MYO5B: variants seen among roughly 807,000 people sequenced by gnomAD.
MYO5B encodes myosin VB.
MYO5B carries 143 observed loss-of-function variants against 229.3 expected under a neutral mutation model. That is an observed-to-expected ratio of 0.62 (90% CI 0.54 to 0.72). The LOEUF is 0.72. MYO5B is among the 30% of genes least tolerant of loss of function. MYO5B has a pLI of 0.00. For missense variants in MYO5B, 2,321 were observed against 2,331.0 expected (o/e 1.00, Z 0.09); for synonymous variants, 918 against 885.2 (o/e 1.04, Z -0.66).
intron 1 of MYO5B, among the ~76,000 whole-genome samples, chr18:50,183,604 C>T (rs1253350569): frequency 6.6e-6 from 1 of 151,666 alleles, no homozygotes; most frequent in Non-Finnish European, 1.5e-5. Flanking sequence ...GGACCAAGGC[C>T]CTGAGAATGA....
At chr18:50,079,218 TCTTA>T (rs1468632832) in intron 1 of MYO5B, among the ~76,000 whole-genome samples, 1 of 152,232 alleles carries the variant, frequency 6.6e-6, no homozygotes, top group Non-Finnish European at 1.5e-5. Context: ...TGGATATAAA[TCTTA>T]CTTCAATAAA....
At chr18:50,108,960 A>T (rs776735388) in intron 1 of MYO5B, among the ~76,000 whole-genome samples, 2 of 152,190 alleles carry the variant, frequency 1.3e-5, no homozygotes, top group African/African-American at 4.8e-5. Context: ...CCACATGCTA[A>T]AACTGTCTTC....
chr18:50,158,526 T>C (rs1004443398), intron 1 of MYO5B, among the ~76,000 whole-genome samples: 30 of 152,222 alleles, frequency 2.0e-4, no homozygotes, highest in African/African-American at 7.2e-4. Flanking sequence ...CATGTATTGC[T>C]CATGTACATA....
At chr18:49,848,280 G>A (rs1197089377) in intron 32 of MYO5B, among the ~76,000 whole-genome samples, 1 of 152,142 alleles carries the variant, frequency 6.6e-6, no homozygotes. Context: ...CCACGGAGGA[G>A]GTGGGATGAA....
chr18:50,135,359 A>C (rs1267452312), intron 1 of MYO5B, among the ~76,000 whole-genome samples: 1 of 152,216 alleles, frequency 6.6e-6, no homozygotes, highest in Non-Finnish European at 1.5e-5. Context: ...GGAAAGTGAA[A>C]AGATATCAAT....
intron 12 of MYO5B, among the ~76,000 whole-genome samples, chr18:49,960,202 A>G (rs913466401): frequency 6.6e-6 from 1 of 152,216 alleles, no homozygotes; most frequent in Non-Finnish European, 1.5e-5. Flanking sequence ...CTGCTTCTGC[A>G]CCATGAGTCC....
intron 4 of MYO5B, among the ~76,000 whole-genome samples, chr18:50,012,546 G>A (rs1568070286): frequency 6.6e-6 from 1 of 152,164 alleles, no homozygotes; most frequent in Non-Finnish European, 1.5e-5. Context: ...ATGTAGACTG[G>A]TCAGCTTTGG....
chr18:49,989,546 A>G (rs1264974311), intron 7 of MYO5B, among the ~76,000 whole-genome samples: 1 of 152,032 alleles, frequency 6.6e-6, no homozygotes, highest in Non-Finnish European at 1.5e-5. Flanking sequence ...CCCTCTTTAC[A>G]CATATGTGCC....
chr18:50,165,471 CTG>C (rs1426437051), intron 1 of MYO5B, among the ~76,000 whole-genome samples: 4 of 141,032 alleles, frequency 2.8e-5, no homozygotes, highest in Admixed American at 2.2e-4. Context: ...CAGCATAAGA[CTG>C]TGTTTCAAAA....
intron 1 of MYO5B, among the ~76,000 whole-genome samples, chr18:50,179,759 G>C (rs1017461346): frequency 6.6e-6 from 1 of 152,144 alleles, no homozygotes; most frequent in Non-Finnish European, 1.5e-5. Flanking sequence ...TGGCCTATTA[G>C]GCCACAGTTC....
chr18:49,840,218 TAA>T (rs1314505603), intron 35 of MYO5B: 1 of 152,238 alleles, frequency 6.6e-6, no homozygotes, highest in African/African-American at 2.4e-5. Context: ...TAACATTGGG[TAA>T]AGTGATGGAC....
At chr18:50,180,897 C>A (rs1196792095) in intron 1 of MYO5B, among the ~76,000 whole-genome samples, 2 of 152,222 alleles carry the variant, frequency 1.3e-5, no homozygotes, top group Non-Finnish European at 2.9e-5. Flanking sequence ...CAGACCACAT[C>A]TCATTCATCC....
chr18:50,194,822 G>A lies in MYO5B; in HGVS notation c.-29C>T. The A allele has an allele frequency of 7.6e-7, 1 of 1,311,166 alleles. No homozygotes were observed. The highest frequency in any genetic ancestry group is 9.7e-7 in the Non-Finnish European group (1 of 1,035,004). The allele number at this position is 1,311,166 out of a possible 1,614,324, so 81.2% of individuals were successfully genotyped here. On this transcript the variant is annotated 5_prime_UTR_variant, in exon 1 of 40. Coordinates refer to ENST00000285039, the MANE Select transcript of MYO5B (RefSeq NM_001080467.3). ...CCGGGCCGGGCGGGGCTCGGGCCCC[G>A]GCTCCTGGCTGCCCCGCGGCTCTCA...
At chr18:50,063,290 T>C (rs938031869) in intron 1 of MYO5B, among the ~76,000 whole-genome samples, 10 of 152,170 alleles carry the variant, frequency 6.6e-5, no homozygotes, top group African/African-American at 2.4e-4. Context: ...ATCTTCCCCT[T>C]TCCCCAAATG....
At chr18:49,873,010 A>T (rs1462038830) in intron 26 of MYO5B, among the ~76,000 whole-genome samples, 1 of 152,214 alleles carries the variant, frequency 6.6e-6, no homozygotes, top group Non-Finnish European at 1.5e-5. Context: ...GTTGTTTCCC[A>T]ACTAAACTCT....
At chr18:49,916,050 C>G (rs1377525130) in intron 17 of MYO5B, among the ~76,000 whole-genome samples, 1 of 152,222 alleles carries the variant, frequency 6.6e-6, no homozygotes, top group Non-Finnish European at 1.5e-5. Flanking sequence ...TGCGGGCTCC[C>G]CCTTTAAAGC....
At chr18:49,882,417 C>G (rs796874086) in intron 22 of MYO5B, among the ~76,000 whole-genome samples, 69 of 151,950 alleles carry the variant, frequency 4.5e-4, no homozygotes, top group African/African-American at 1.6e-3. Context: ...ATAACGAGGT[C>G]AGGAGATCGA....
intron 17 of MYO5B, among the ~76,000 whole-genome samples, chr18:49,921,636 C>A (rs989566468): frequency 6.6e-6 from 1 of 152,162 alleles, no homozygotes; most frequent in Non-Finnish European, 1.5e-5. Context: ...TGAGGGAACA[C>A]CCGGCAGCTA....
At chr18:50,107,329 A>T (rs1430037355) in intron 1 of MYO5B, among the ~76,000 whole-genome samples, 1 of 151,548 alleles carries the variant, frequency 6.6e-6, no homozygotes, top group Non-Finnish European at 1.5e-5. Flanking sequence ...GTTAGCCAGG[A>T]TGGTCTTGAT....
Sources: allele counts gnomAD v4.1 joint callset (sites outside exome capture counted in the v4.1 genomes callset), GRCh38; gene constraint gnomAD v4.1.1; transcripts MANE v1.5; gene names NCBI Gene and HGNC (gene_info 2026-07-23, HGNC 2026-07-21).